The following LRRC8B variants were observed in gnomAD, a reference collection of about 807,000 sequenced individuals.
LRRC8B encodes leucine rich repeat containing 8 VRAC subunit B.
A neutral mutation model predicts 58.8 loss-of-function variants in LRRC8B; 23 were observed. That is an observed-to-expected ratio of 0.39 (90% CI 0.28 to 0.55). LRRC8B has a LOEUF of 0.55. Among genes scored for constraint, LRRC8B ranks in the 20% least tolerant of loss-of-function variants. The pLI is 0.62. For synonymous variants in LRRC8B, 359 were observed against 374.1 expected, an observed-to-expected ratio of 0.96 and a Z score of 0.47; for missense variants, 694 against 936.0, an observed-to-expected ratio of 0.74 and a Z score of 3.37.
Position 89,530,194 on chromosome 1 carries a change from C to CAA in LRRC8B, c.-241+5186_-241+5187dup, listed in dbSNP as rs776269889. 6.0e-5 allele frequency among the ~76,000 whole-genome samples: 7 copies of CAA among 115,726 alleles called. No individual in the cohort carries two copies. In the South Asian group the frequency reaches 8.2e-4, roughly 14 times the overall value. 75.9% of individuals were successfully genotyped at this position (115,726 alleles called of 152,430 possible). A position where few individuals can be genotyped will look rare whatever the true frequency, so the allele number is the denominator to read the frequency against. ...TGAAACCCCGTCTCTACAAAAAATACAAAAAAAAAAAAAAATTAGCCGGGC... is the reference window on the plus strand; with the variant it reads ...TGAAACCCCGTCTCTACAAAAAATACAAAAAAAAAAAAAAAAATTAGCCGGGC... On this transcript the variant is annotated intron_variant, in intron 1 of 5. Transcript: ENST00000330947.
At position 89,559,418 on chromosome 1, in the gene LRRC8B, G is replaced by A. The variant is rs558604132; in HGVS notation, c.-240-8829G>A. Among the ~76,000 whole-genome samples, 16 of 152,050 alleles carry A rather than the reference G, an allele frequency of 1.1e-4. No individual in the cohort carries two copies. In the South Asian group the frequency reaches 3.3e-3, roughly 32 times the overall value. Reference sequence around the variant, plus strand: ...CCAGCACTTTGGGAGGCCGAGGTGGGACAATTGCTTGTGTCCAGGAGTTTC... The same window carrying A: ...CCAGCACTTTGGGAGGCCGAGGTGGAACAATTGCTTGTGTCCAGGAGTTTC... On this transcript the variant is annotated intron_variant, in intron 1 of 5. Transcript: ENST00000330947.
intron 5 of LRRC8B, among the ~76,000 whole-genome samples, chr1:89,585,853 T>C (rs1398485682): frequency 6.6e-6 from 1 of 152,174 alleles, no homozygotes; most frequent in Non-Finnish European, 1.5e-5. Flanking sequence ...TATTATCTTT[T>C]AGACTTTTTG....
intron 1 of LRRC8B, among the ~76,000 whole-genome samples, chr1:89,543,292 T>G (rs1162612622): frequency 6.6e-6 from 1 of 152,192 alleles, no homozygotes; most frequent in Admixed American, 6.5e-5. Context: ...TTGGTCATCA[T>G]GGGTAACAAT....
intron 3 of LRRC8B, among the ~76,000 whole-genome samples, chr1:89,579,342 C>G (rs1453822054): frequency 6.6e-6 from 1 of 152,180 alleles, no homozygotes; most frequent in Non-Finnish European, 1.5e-5. Flanking sequence ...CCTGTAGATA[C>G]ACCTTTGCCA....
At chr1:89,574,454 T>C (rs185682249) in intron 3 of LRRC8B, among the ~76,000 whole-genome samples, 53 of 152,288 alleles carry the variant, frequency 3.5e-4, no homozygotes, top group African/African-American at 1.2e-3. Context: ...CCTTGTTTTA[T>C]ATTGAGAAAA....
chr1:89,541,236 T>A (rs1419221890), intron 1 of LRRC8B, among the ~76,000 whole-genome samples: 1 of 152,116 alleles, frequency 6.6e-6, no homozygotes, highest in East Asian at 1.9e-4. Context: ...ATGGGCTCAT[T>A]GGGTAAGGTT....
chr1:89,578,822 T>A (rs1466170070), intron 3 of LRRC8B, among the ~76,000 whole-genome samples: 1 of 152,194 alleles, frequency 6.6e-6, no homozygotes, highest in African/African-American at 2.4e-5. Context: ...TTTACAATTT[T>A]CTCACAGTTC....
At chr1:89,588,447 C>T (rs1302566470) in intron 5 of LRRC8B, among the ~76,000 whole-genome samples, 1 of 151,970 alleles carries the variant, frequency 6.6e-6, no homozygotes, top group African/African-American at 2.4e-5. Flanking sequence ...GAAGCATACC[C>T]TAAGAACACT....
intron 5 of LRRC8B, among the ~76,000 whole-genome samples, chr1:89,585,094 T>C (rs1474438861): frequency 6.6e-6 from 1 of 152,264 alleles, no homozygotes; most frequent in African/African-American, 2.4e-5. Context: ...TTTTAAACTA[T>C]TTAATTCATT....
Position 89,592,772 on chromosome 1 carries a change from T to C in LRRC8B, c.2141T>C (p.Ile714Thr). The C allele has an allele frequency of 1.9e-6, 3 of 1,613,388 alleles. No homozygotes were observed. The highest frequency in any genetic ancestry group is 2.5e-6 in the Non-Finnish European group (3 of 1,179,516). Reference sequence around the variant, plus strand: ...GCTTCTTTTTTCTTCCCTTTCCAGATTGAGATGCTACCAGATGGGCTGTTT... The same window carrying C: ...GCTTCTTTTTTCTTCCCTTTCCAGACTGAGATGCTACCAGATGGGCTGTTT... Reference protein sequence around the residue: ...LQYFAVTNNNIEMLPDGLFQC... With the variant: ...LQYFAVTNNNTEMLPDGLFQC... The change falls in exon 6 of 6, where the codon ATT (isoleucine) becomes ACT (threonine). Residue 714 changes from isoleucine to threonine, a missense_variant and splice_region_variant. Ile to Thr is a moderately conservative substitution (Grantham distance 89, BLOSUM62 -1). This residue lies in a region of LRRC8B where 139 missense variants were observed against 158.2 expected (regional missense o/e 0.88). Transcript: ENST00000330947.
At chr1:89,573,232 G>A (rs930389275) in intron 3 of LRRC8B, among the ~76,000 whole-genome samples, 7 of 151,544 alleles carry the variant, frequency 4.6e-5, no homozygotes, top group Non-Finnish European at 8.8e-5. Context: ...CCTGGGAGGC[G>A]GAGCTTGCAG....
Position 89,583,980 on chromosome 1 carries a change from G to A in LRRC8B, c.1330G>A (p.Val444Met), listed in dbSNP as rs1654436589. ...TGTCTTTGAGTTAACTGAAATGGAAGTGCTAAGCCTGGAGCTTATCCCAGA... is the reference window on the plus strand; with the variant it reads ...TGTCTTTGAGTTAACTGAAATGGAAATGCTAAGCCTGGAGCTTATCCCAGA... ...DNVFELTEMEVLSLELIPEVK... is the reference protein window; with the variant it reads ...DNVFELTEMEMLSLELIPEVK... Residue 444 changes from valine (V) to methionine (M), a missense_variant, in exon 5 of 6, where the codon GTG becomes ATG. This residue lies in a region of LRRC8B where 162 missense variants were observed against 198.5 expected (regional missense o/e 0.82). Transcript: ENST00000330947. The surrounding 1 kb of genome is among the most constrained non-coding windows in gnomAD (Gnocchi z 5.2). 1.9e-6 allele frequency: 3 copies of A among 1,614,208 alleles called. No homozygotes were observed. The highest frequency in any genetic ancestry group is 2.5e-6 in the Non-Finnish European group (3 of 1,180,042).
chr1:89,563,242 CTA>C (rs998566283), intron 1 of LRRC8B, among the ~76,000 whole-genome samples: 5 of 151,924 alleles, frequency 3.3e-5, no homozygotes, highest in African/African-American at 1.2e-4. Flanking sequence ...AGTATTTTAA[CTA>C]TTTTTAATTC....
intron 1 of LRRC8B, among the ~76,000 whole-genome samples, chr1:89,557,922 C>T (rs990913566): frequency 2.6e-5 from 4 of 152,156 alleles, no homozygotes; most frequent in African/African-American, 9.7e-5. Context: ...AGGGTTGACT[C>T]TCACAGCAGT....
rs181127131 is a variant in LRRC8B at position 89,593,654 on chromosome 1, C to T, written c.*611C>T. On this transcript the variant is annotated 3_prime_UTR_variant, in exon 6 of 6. Transcript: ENST00000330947. ...ACTAAATTCCTCCTTGCAGTGTTTA[C>T]CTTCAAGATTGTATAGGTATTCTCT... 24 of 152,332 alleles carry T rather than the reference C, an allele frequency of 1.6e-4. No individual in the cohort carries two copies. The highest frequency in any genetic ancestry group is 5.8e-4 in the African/African-American group (24 of 41,534). 9.4% of individuals were successfully genotyped at this position (152,332 alleles called of 1,614,324 possible).
rs953637077 is a variant in LRRC8B at position 89,594,340 on chromosome 1, G to C, written c.*1297G>C. 4 of 152,120 alleles carry C rather than the reference G, an allele frequency of 2.6e-5. No homozygotes were observed. Among genetic ancestry groups the C allele is most frequent in the African/African-American group, 9.7e-5 (4 of 41,424 alleles). The allele number at this position is 152,120 out of a possible 1,614,324, so 9.4% of individuals were successfully genotyped here. On this transcript the variant is annotated 3_prime_UTR_variant, in exon 6 of 6. Transcript: ENST00000330947. ...GTTTAATGCCCTAAAGTATTTGGGG[G>C]TTTCCTTGTGAGAGGGTGGCCGAAT...
intron 1 of LRRC8B, among the ~76,000 whole-genome samples, chr1:89,559,690 G>A (rs369893751): frequency 4.2e-4 from 63 of 151,598 alleles, no homozygotes; most frequent in African/African-American, 1.2e-3. Flanking sequence ...ACACATTTTT[G>A]TGTATATGTG....
chr1:89,549,078 A>G (rs1487445630), intron 1 of LRRC8B, among the ~76,000 whole-genome samples: 1 of 152,192 alleles, frequency 6.6e-6, no homozygotes, highest in Non-Finnish European at 1.5e-5. Flanking sequence ...GTGATGGGAT[A>G]CCACAGTGAG....
intron 1 of LRRC8B, among the ~76,000 whole-genome samples, chr1:89,530,916 T>A (rs1650083925): frequency 1.3e-5 from 2 of 152,202 alleles, no homozygotes; most frequent in Middle Eastern, 3.4e-3. Flanking sequence ...AAACAATGCC[T>A]CTCTAATCCC....
Sources: gnomAD v4.1 joint callset for allele counts (sites outside exome capture counted in the v4.1 genomes callset) on GRCh38, gnomAD v4.1.1 for gene constraint, gnomAD v4.1.1 regional missense constraint, Gnocchi (gnomAD v3.1) non-coding constraint, MANE v1.5 for transcripts, NCBI Gene and HGNC (gene_info 2026-07-23, HGNC 2026-07-21) for gene names.